THSD7B: variants seen among roughly 807,000 people sequenced by gnomAD.
THSD7B encodes the protein thrombospondin type-1 domain-containing protein 7B.
Under a neutral mutation model 213.6 loss-of-function variants are expected in THSD7B, and 138 were observed. The observed-to-expected ratio is 0.65, with a 90% CI of 0.56 to 0.74. The LOEUF is 0.74. THSD7B is among the 30% of genes least tolerant of loss of function. The probability of loss-of-function intolerance (pLI) is 0.00; values close to 1 mark genes in which losing one functional copy is unlikely to be tolerated. For missense variants in THSD7B, 1,931 were observed against 1,991.5 expected (o/e 0.97, Z 0.58); for synonymous variants, 742 against 687.0 (o/e 1.08, Z -1.25).
chr2:137,347,197 A>G (rs1684893686), intron 12 of THSD7B, among the ~76,000 whole-genome samples: 1 of 151,734 alleles, frequency 6.6e-6, no homozygotes. Flanking sequence ...ATATTAATCA[A>G]CCTTGACAAT....
chr2:137,017,864 A>C (rs77931161), intron 2 of THSD7B, among the ~76,000 whole-genome samples: 1 of 152,162 alleles, frequency 6.6e-6, no homozygotes, highest in African/African-American at 2.4e-5. Context: ...ATTCTGAGCA[A>C]CTGGATTCAA....
At chr2:136,981,577 CT>C (rs1263616132) in intron 2 of THSD7B, among the ~76,000 whole-genome samples, 3 of 152,168 alleles carry the variant, frequency 2.0e-5, no homozygotes, top group Non-Finnish European at 2.9e-5. Flanking sequence ...TCTCATTGAC[CT>C]TGTAGCATGG....
chr2:137,650,378 A>G (rs1343666526), intron 21 of THSD7B, among the ~76,000 whole-genome samples: 1 of 152,006 alleles, frequency 6.6e-6, no homozygotes, highest in Non-Finnish European at 1.5e-5. Context: ...TTTATTTTTC[A>G]GATTGTTCAC....
At chr2:136,849,656 A>C (rs2104962323) in intron 1 of THSD7B, among the ~76,000 whole-genome samples, 1 of 152,172 alleles carries the variant, frequency 6.6e-6, no homozygotes, top group South Asian at 2.1e-4. Context: ...TATAGCCTTG[A>C]TCTCTCTGGT....
At chr2:136,855,408 C>T (rs1397636448) in intron 1 of THSD7B, among the ~76,000 whole-genome samples, 1 of 151,712 alleles carries the variant, frequency 6.6e-6, no homozygotes, top group Non-Finnish European at 1.5e-5. Flanking sequence ...GACCTGGCAC[C>T]TGCCTGTTTC....
intron 14 of THSD7B, among the ~76,000 whole-genome samples, chr2:137,428,043 C>T (rs1041464025): frequency 2.6e-5 from 4 of 151,866 alleles, no homozygotes; most frequent in East Asian, 1.9e-4. Context: ...ATTATTTGCA[C>T]GTCATATATC....
chr2:136,779,435 T>C (rs1015558243), intron 1 of THSD7B, among the ~76,000 whole-genome samples: 1 of 152,200 alleles, frequency 6.6e-6, no homozygotes, highest in Non-Finnish European at 1.5e-5. Context: ...TTGTAGCCTT[T>C]CTTTTCTTAT....
intron 1 of THSD7B, among the ~76,000 whole-genome samples, chr2:136,864,258 T>C (rs1683298237): frequency 6.6e-6 from 1 of 152,234 alleles, no homozygotes; most frequent in Non-Finnish European, 1.5e-5. Flanking sequence ...GTGCCACATT[T>C]GGTGTTGGGT....
At chr2:137,298,659 C>T (rs1332679460) in intron 12 of THSD7B, among the ~76,000 whole-genome samples, 2 of 152,154 alleles carry the variant, frequency 1.3e-5, no homozygotes, top group Non-Finnish European at 2.9e-5. Context: ...TGCCCTGTGT[C>T]CCAGCCACTC....
chr2:137,546,388 ATATATAT>A lies in THSD7B; in HGVS notation c.3139-16825_3139-16819del, dbSNP rs1482775408. Among the ~76,000 whole-genome samples, 14 of 36,750 alleles carry A rather than the reference ATATATAT, an allele frequency of 3.8e-4. 1 individual carries two copies. Among genetic ancestry groups the A allele is most frequent in the Admixed American group, 8.9e-4 (2 of 2,250 alleles). 24.1% of individuals were successfully genotyped at this position (36,750 alleles called of 152,430 possible). A position where few individuals can be genotyped will look rare whatever the true frequency, so the allele number is the denominator to read the frequency against. ...TATATATATATATAATATATATATT[ATATATAT>A]TATATATATTATATATATATTATAT... On this transcript the variant is annotated intron_variant, in intron 15 of 27. Transcript: ENST00000409968.
chr2:136,966,561 A>T (rs1158569230), intron 2 of THSD7B, among the ~76,000 whole-genome samples: 1 of 152,172 alleles, frequency 6.6e-6, no homozygotes, highest in Non-Finnish European at 1.5e-5. Flanking sequence ...ATTTGAAAAA[A>T]ACATTTTGAG....
intron 2 of THSD7B, among the ~76,000 whole-genome samples, chr2:136,915,273 T>G (rs1005906047): frequency 2.7e-5 from 4 of 149,784 alleles, no homozygotes; most frequent in African/African-American, 1.0e-4. Context: ...AGTGAAACAG[T>G]TAGTTTTTCA....
chr2:137,527,678 C>A (rs1680305034), intron 15 of THSD7B, among the ~76,000 whole-genome samples: 1 of 151,960 alleles, frequency 6.6e-6, no homozygotes, highest in African/African-American at 2.4e-5. Flanking sequence ...CATAGACAAT[C>A]AGCATGAGTT....
chr2:136,968,023 T>C (rs1359608959), intron 2 of THSD7B, among the ~76,000 whole-genome samples: 2 of 152,168 alleles, frequency 1.3e-5, no homozygotes, highest in Admixed American at 1.3e-4. Flanking sequence ...CTATTATTAA[T>C]GGGCATTTGG....
chr2:137,283,413 T>A (rs1683084633), intron 12 of THSD7B, among the ~76,000 whole-genome samples: 1 of 152,148 alleles, frequency 6.6e-6, no homozygotes, highest in Admixed American at 6.5e-5. Context: ...CTGATTGCCC[T>A]GGCCAGAACT....
chr2:136,900,826 G>A (rs1684051303), intron 2 of THSD7B, among the ~76,000 whole-genome samples: 1 of 152,134 alleles, frequency 6.6e-6, no homozygotes, highest in Admixed American at 6.5e-5. Flanking sequence ...AAAGATAAGG[G>A]TGCACAGCTG....
intron 2 of THSD7B, among the ~76,000 whole-genome samples, chr2:137,040,747 T>C (rs560119626): frequency 5.3e-5 from 8 of 152,244 alleles, no homozygotes; most frequent in African/African-American, 1.7e-4. Context: ...GTGTACCCCA[T>C]GGCTTATGTG....
At chr2:137,579,535 T>TACAC (rs1558846863) in intron 17 of THSD7B, among the ~76,000 whole-genome samples, 3 of 141,508 alleles carry the variant, frequency 2.1e-5, no homozygotes, top group Non-Finnish European at 3.0e-5. Context: ...CACACGCGCG[T>TACAC]GCGCACACAC....
At chr2:137,246,296 A>G (rs2105068924) in intron 10 of THSD7B, among the ~76,000 whole-genome samples, 1 of 152,296 alleles carries the variant, frequency 6.6e-6, no homozygotes. Flanking sequence ...TGGTCTTCAA[A>G]GTTGACTGCA....
Sources: gnomAD v4.1 joint callset for allele counts (sites outside exome capture counted in the v4.1 genomes callset) on GRCh38, gnomAD v4.1.1 for gene constraint, MANE v1.5 for transcripts, NCBI Gene and HGNC (gene_info 2026-07-23, HGNC 2026-07-21) for gene names.